Variants in MIA3 observed in about 807,000 individuals in gnomAD.
The protein encoded by MIA3 is MIA SH3 domain ER export factor 3.
A neutral mutation model predicts 192.4 loss-of-function variants in MIA3; 90 were observed. The observed-to-expected ratio is 0.47, with a 90% CI of 0.39 to 0.56. The LOEUF is 0.56. Ranked by LOEUF, MIA3 falls within the 20% of genes least tolerant of loss-of-function variation. The pLI is 0.00. For synonymous variants in MIA3, 740 were observed against 792.8 expected (o/e 0.93, Z 1.12); for missense variants, 2,123 against 2,269.4 (o/e 0.94, Z 1.31).
At chr1:222,638,940 A>G (rs1662743653) in intron 6 of MIA3, among the ~76,000 whole-genome samples, 1 of 152,218 alleles carries the variant, frequency 6.6e-6, no homozygotes. Context: ...AATAGAAAAC[A>G]AAAGGAAAAG....
intron 27 of MIA3, chr1:222,664,754 A>C (rs1664192621): frequency 5.1e-6 from 1 of 197,484 alleles, no homozygotes; most frequent in Middle Eastern, 5.0e-4. Flanking sequence ...GCTACTGCAT[A>C]AATTTTTAAC....
At chr1:222,630,492 T>A in intron 4 of MIA3, 103 bp downstream of exon 4, 2 of 1,211,208 alleles carry the variant, frequency 1.7e-6, no homozygotes, top group Non-Finnish European at 2.3e-6. Flanking sequence ...CCAATGTGCC[T>A]AAAGGAGAGG....
At chr1:222,650,173 T>TA (rs1332628354) in intron 8 of MIA3, 119 bp from the exon 9 acceptor site, 42 of 710,298 alleles carry the variant, frequency 5.9e-5, no homozygotes, top group Non-Finnish European at 2.6e-6. Context: ...CCATAATAGT[T>TA]ATGCTGAGAA....
At chr1:222,664,179 T>C in intron 27 of MIA3, 31 bp downstream of exon 27, 1 of 1,611,274 alleles carries the variant, frequency 6.2e-7, no homozygotes. Context: ...GTAATTGACT[T>C]GTAAAGCACA....
Position 222,645,667 on chromosome 1 carries a change from A to C in MIA3, c.3591A>C (p.Leu1197Phe), listed in dbSNP as rs753194697. 10 of 1,613,800 alleles carry C rather than the reference A, an allele frequency of 6.2e-6. No individual in the cohort carries two copies. The Admixed American group carries it at 1.7e-4, about 27-fold the overall frequency. Residue 1197 changes from leucine to phenylalanine, a missense_variant, in exon 7 of 28, where the codon TTA (leucine) becomes TTC (phenylalanine). Coordinates refer to ENST00000344922, the MANE Select transcript of MIA3 (RefSeq NM_198551.4). ...GAATTGCTTCGTTTGCCATTTTCTT[A>C]TGGAGAACTGTCCTTGTTGTGAGTA... is the stretch of plus-strand genomic sequence containing the variant. ...FLGIASFAIF[L>F]WRTVLVVKDR... is the part of the protein sequence containing the mutation.
intron 1 of MIA3, 43 bp downstream of exon 1, chr1:222,618,286 T>A: frequency 1.7e-5 from 23 of 1,343,936 alleles, no homozygotes; most frequent in Non-Finnish European, 2.2e-5. Flanking sequence ...GCGGCTGGCC[T>A]TGGGGTCTCC....
intron 26 of MIA3, 104 bp from the exon 27 acceptor site, chr1:222,663,894 A>G (rs1664146544): frequency 2.7e-6 from 3 of 1,095,558 alleles, no homozygotes; most frequent in African/African-American, 1.6e-5. Flanking sequence ...CTCTTTGGAC[A>G]AGTGCCTGAC....
chr1:222,653,991 A>T (rs1485059752), intron 15 of MIA3, among the ~76,000 whole-genome samples: 1 of 152,252 alleles, frequency 6.6e-6, no homozygotes, highest in African/African-American at 2.4e-5. Context: ...CAGATGGAAG[A>T]AAGAGCTTTA....
At chr1:222,642,036 A>G (rs1420267318) in intron 6 of MIA3, among the ~76,000 whole-genome samples, 1 of 152,266 alleles carries the variant, frequency 6.6e-6, no homozygotes, top group Non-Finnish European at 1.5e-5. Context: ...GAGAGAAGCC[A>G]GAGAAAATAT....
At chr1:222,638,713 A>G (rs1403430594) in intron 6 of MIA3, among the ~76,000 whole-genome samples, 1 of 152,218 alleles carries the variant, frequency 6.6e-6, no homozygotes, top group African/African-American at 2.4e-5. Context: ...AGAAAAAAAA[A>G]TAAAGACAAG....
chr1:222,657,081 A>G (rs1663769894), intron 18 of MIA3, among the ~76,000 whole-genome samples: 1 of 152,192 alleles, frequency 6.6e-6, no homozygotes, highest in Admixed American at 6.5e-5. Context: ...AGTGGTGAAC[A>G]TTGTTTTTGA....
chr1:222,659,378 A>T, intron 19 of MIA3, 75 bp from the exon 20 acceptor site: 1 of 1,319,508 alleles, frequency 7.6e-7, no homozygotes, highest in Non-Finnish European at 1.1e-6. Flanking sequence ...TGTTAGGGTA[A>T]CGGTTAACAT....
intron 26 of MIA3, chr1:222,662,638 G>A: frequency 2.3e-6 from 1 of 442,054 alleles, no homozygotes; most frequent in South Asian, 3.0e-5. Flanking sequence ...GGATTCATTG[G>A]CCTTTTCTCC....
chr1:222,633,478 C>T (rs1662495863), intron 6 of MIA3, among the ~76,000 whole-genome samples: 1 of 152,148 alleles, frequency 6.6e-6, no homozygotes, highest in Non-Finnish European at 1.5e-5. Context: ...ACCTGTCAAA[C>T]GTGGTTCTTC....
intron 3 of MIA3, 110 bp from the exon 4 acceptor site, chr1:222,627,465 C>A (rs1408726940): frequency 2.1e-6 from 2 of 967,224 alleles, no homozygotes; most frequent in African/African-American, 1.6e-5. Flanking sequence ...CGCAAAAGCT[C>A]CTCTAGAGCC....
At chr1:222,664,841 G>C (rs1571914743) in intron 27 of MIA3, 1 of 428,592 alleles carries the variant, frequency 2.3e-6, no homozygotes, top group African/African-American at 2.0e-5. Context: ...TCTTGGTATG[G>C]TATATAGTAC....
At chr1:222,652,544 A>C (rs1295505646) in intron 13 of MIA3, among the ~76,000 whole-genome samples, 1 of 152,252 alleles carries the variant, frequency 6.6e-6, no homozygotes, top group East Asian at 1.9e-4. Flanking sequence ...TATTTTGGCT[A>C]TCAGAGTGTG....
At chr1:222,641,642 G>A (rs937090222) in intron 6 of MIA3, 8 of 533,796 alleles carry the variant, frequency 1.5e-5, no homozygotes, top group Admixed American at 1.9e-5. Flanking sequence ...ACATCATGCA[G>A]CTTCTCAGGG....
In MIA3 at chr1:222,629,646, T is replaced by G. The variant is rs1662299045; in HGVS notation, c.2426T>G (p.Met809Arg). ...ACAGGAGGCAGGGAACCAAATACAA[T>G]GGTGGAAAAAGAACGCCCTCTGGCA... is the stretch of plus-strand genomic sequence containing the variant. ...VNTGGREPNT[M>R]VEKERPLADK... The change falls in exon 4 of 28, where the codon ATG becomes AGG. Residue 809 changes from methionine to arginine, a missense_variant. Met to Arg is a moderately conservative substitution (Grantham distance 91). This residue lies in a region of MIA3 where 1,357 missense variants were observed against 1,396.1 expected (regional missense o/e 0.97). Transcript: ENST00000344922. The G allele has an allele frequency of 6.2e-7, 1 of 1,613,868 alleles. No individual in the cohort carries two copies. The highest frequency in any genetic ancestry group is 1.3e-5 in the African/African-American group (1 of 74,838).
Sources: gnomAD v4.1 joint callset for allele counts (sites outside exome capture counted in the v4.1 genomes callset) on GRCh38, gnomAD v4.1.1 for gene constraint, gnomAD v4.1.1 regional missense constraint, MANE v1.5 for transcripts, NCBI Gene and HGNC (gene_info 2026-07-23, HGNC 2026-07-21) for gene names.